The following RNF115 variants were observed in gnomAD, a reference collection of about 807,000 sequenced individuals.
RNF115 encodes E3 ubiquitin-protein ligase RNF115.
Under a neutral mutation model 39.2 loss-of-function variants are expected in RNF115, and 31 were observed. That is an observed-to-expected ratio of 0.79 (90% CI 0.59 to 1.07). The LOEUF (loss-of-function observed/expected upper bound fraction) is 1.07, where lower values mean the gene tolerates loss of function less well. RNF115 is among the 50% of genes least tolerant of loss of function. The pLI is 0.00. For synonymous variants in RNF115, 124 were observed against 131.0 expected, an observed-to-expected ratio of 0.95 and a Z score of 0.37; for missense variants, 384 against 381.7, an observed-to-expected ratio of 1.01 and a Z score of -0.05.
rs781922656 is a variant in RNF115, at chr1:145,771,830, A to G, written c.309T>C (p.Asn103=). Residue 103 remains asparagine (N), a synonymous_variant, in exon 4 of 9, where the codon AAT becomes AAC. Transcript: ENST00000582693. ...SSPLDQDNRA[N]ERGHQTHTDF... ...CAGTGTGAGTCTGGTGACCCCTTTC[A>G]TTGGCTCTATTATCTTGGTCCAGTG... The G allele has an allele frequency of 4.3e-6, 7 of 1,613,982 alleles. No homozygotes were observed. The highest frequency in any genetic ancestry group is 5.9e-6 in the Non-Finnish European group (7 of 1,179,976).
intron 1 of RNF115, among the ~76,000 whole-genome samples, chr1:145,813,552 G>A (rs1649828325): frequency 6.6e-6 from 1 of 152,134 alleles, no homozygotes; most frequent in South Asian, 2.1e-4. Context: ...TGTAACTTGA[G>A]AGGGGTAATC....
intron 2 of RNF115, chr1:145,788,643 A>G (rs1203805954): frequency 3.4e-6 from 2 of 592,452 alleles, no homozygotes; most frequent in Non-Finnish European, 6.3e-6. Context: ...ACAGATGTAC[A>G]TGGAATGCCA....
rs1397278117 is a variant in RNF115 at position 145,742,484 on chromosome 1, ACAGGGTAC to A, written c.*4374_*4381del. ...GTGAATCCCTTCATCACAGAGAATA[ACAGGGTAC>A]CAGCCCAAGCCAACAGTGCCCCATA... On this transcript the variant is annotated 3_prime_UTR_variant, in exon 9 of 9. Transcript: ENST00000582693. The A allele has an allele frequency of 1.3e-5, 2 of 152,246 alleles. No individual in the cohort carries two copies. The highest frequency in any genetic ancestry group is 4.8e-5 in the African/African-American group (2 of 41,448). The allele number at this position is 152,246 out of a possible 1,614,324, so 9.4% of individuals were successfully genotyped here. A position where few individuals can be genotyped will look rare whatever the true frequency, so the allele number is the denominator to read the frequency against.
chr1:145,788,290 C>T (rs2101567792), intron 2 of RNF115, among the ~76,000 whole-genome samples: 1 of 152,216 alleles, frequency 6.6e-6, no homozygotes, highest in South Asian at 2.1e-4. Flanking sequence ...CCATGTTGAC[C>T]ACGCTGGTCT....
Position 145,784,537 on chromosome 1 carries a change from A to G in RNF115, c.219+2T>C. ...AATTCCTACAGCTAAAGGAAAACTT[A>G]CCTCTGCAAAATGTGTTGTTGTGGT... On this transcript the variant is annotated splice_donor_variant, in intron 3 of 8. Coordinates refer to ENST00000582693, the MANE Select transcript of RNF115 (RefSeq NM_014455.4). LOFTEE classifies it high-confidence loss of function. 6.2e-7 allele frequency: 1 copy of G among 1,613,628 alleles called. No homozygotes were observed. Among genetic ancestry groups the G allele is most frequent in the Non-Finnish European group, 8.5e-7 (1 of 1,179,604 alleles).
chr1:145,815,386 C>T (rs1279677349), intron 1 of RNF115, among the ~76,000 whole-genome samples: 5 of 152,380 alleles, frequency 3.3e-5, no homozygotes, highest in African/African-American at 9.6e-5. Context: ...CCATAAAATA[C>T]TTAAGAACCA....
intron 4 of RNF115, among the ~76,000 whole-genome samples, chr1:145,767,314 G>A (rs1384281933): frequency 6.6e-6 from 1 of 151,032 alleles, no homozygotes; most frequent in East Asian, 2.0e-4. Flanking sequence ...TTGCCAGGCA[G>A]AGGGTCTCCT....
intron 4 of RNF115, among the ~76,000 whole-genome samples, chr1:145,764,672 GTC>G (rs1355151431): frequency 6.6e-6 from 1 of 151,710 alleles, no homozygotes; most frequent in African/African-American, 2.4e-5. Context: ...AGTGAGGAGC[GTC>G]TCTGCCCAGC....
At position 145,743,734 on chromosome 1, in the gene RNF115, T is replaced by C. The variant is rs1462711716; in HGVS notation, c.*3132A>G. On this transcript the variant is annotated 3_prime_UTR_variant, in exon 9 of 9. Coordinates refer to ENST00000582693, the MANE Select transcript of RNF115 (RefSeq NM_014455.4). ...AGGTGGAGGTTGCAGTGAGCTGAGA[T>C]TGCACCACTGCACTCCAGCCTAGGC... 1 of 151,070 alleles carries C rather than the reference T, an allele frequency of 6.6e-6. No individual in the cohort carries two copies. The highest frequency in any genetic ancestry group is 2.4e-5 in the African/African-American group (1 of 41,066). 9.4% of individuals were successfully genotyped at this position (151,070 alleles called of 1,614,324 possible). A position where few individuals can be genotyped will look rare whatever the true frequency, so the allele number is the denominator to read the frequency against.
At chr1:145,771,075 A>G (rs1294362491) in intron 4 of RNF115, among the ~76,000 whole-genome samples, 11 of 152,214 alleles carry the variant, frequency 7.2e-5, no homozygotes, top group African/African-American at 2.4e-4. Context: ...TGAAATTTTG[A>G]TAAATATACT....
intron 4 of RNF115, among the ~76,000 whole-genome samples, chr1:145,763,324 G>C (rs905592200): frequency 1.3e-5 from 2 of 152,144 alleles, no homozygotes; most frequent in Non-Finnish European, 2.9e-5. Flanking sequence ...AAATCAAAGA[G>C]GCTTCCTTTA....
Position 145,746,688 on chromosome 1 carries a change from C to T in RNF115, c.*178G>A, listed in dbSNP as rs587608403. The stretch of plus-strand genomic sequence containing the variant: ...GATAAGAGGCATTTGGTTGTAGATA[C>T]AATTCCATCTGTAGATACTAACTTT... On this transcript the variant is annotated 3_prime_UTR_variant, in exon 9 of 9. Transcript: ENST00000582693. 19 of 616,396 alleles carry T rather than the reference C, an allele frequency of 3.1e-5. No homozygotes were observed. The East Asian group carries it at 5.5e-4, about 18-fold the overall frequency. The allele number at this position is 616,396 out of a possible 1,614,324, so 38.2% of individuals were successfully genotyped here. A position where few individuals can be genotyped will look rare whatever the true frequency, so the allele number is the denominator to read the frequency against.
intron 1 of RNF115, among the ~76,000 whole-genome samples, chr1:145,798,348 A>G (rs1482897550): frequency 6.6e-6 from 1 of 152,134 alleles, no homozygotes; most frequent in Non-Finnish European, 1.5e-5. Flanking sequence ...ATTTTTATAT[A>G]TAGTGTAAAA....
intron 1 of RNF115, among the ~76,000 whole-genome samples, chr1:145,791,839 A>G (rs967367748): frequency 6.6e-6 from 1 of 152,176 alleles, no homozygotes; most frequent in Non-Finnish European, 1.5e-5. Flanking sequence ...TAGACCTGAG[A>G]AACACATTTT....
At chr1:145,771,268 C>G (rs975524714) in intron 4 of RNF115, among the ~76,000 whole-genome samples, 1 of 152,160 alleles carries the variant, frequency 6.6e-6, no homozygotes, top group Non-Finnish European at 1.5e-5. Context: ...AGTGTGGCAC[C>G]TTTCTTTCTT....
rs1657718151 is a variant in RNF115 at position 145,742,438 on chromosome 1, A to G, written c.*4428T>C. On this transcript the variant is annotated 3_prime_UTR_variant, in exon 9 of 9. Transcript: ENST00000582693. ...AGTCATTTATTCTCAACCTTTGGAA[A>G]TGATTACGTTTTTACCTCCAGTGAA... 1 of 152,238 alleles carries G rather than the reference A, an allele frequency of 6.6e-6. No individual in the cohort carries two copies. The highest frequency in any genetic ancestry group is 1.5e-5 in the Non-Finnish European group (1 of 68,042). The allele number at this position is 152,238 out of a possible 1,614,324, so 9.4% of individuals were successfully genotyped here.
intron 8 of RNF115, 28 bp downstream of exon 8, chr1:145,747,967 C>T: frequency 7.0e-7 from 1 of 1,431,054 alleles, no homozygotes; most frequent in Non-Finnish European, 9.9e-7. Flanking sequence ...AATCATCCCC[C>T]AAAGAAGCCA....
intron 3 of RNF115, chr1:145,773,856 A>C (rs754272605): frequency 6.7e-6 from 1 of 149,004 alleles, no homozygotes; most frequent in South Asian, 2.1e-4. Context: ...TCCTTTGGAG[A>C]AAGGACAAAA....
At chr1:145,791,616 T>TCAATG (rs1648672679) in intron 1 of RNF115, among the ~76,000 whole-genome samples, 1 of 152,136 alleles carries the variant, frequency 6.6e-6, no homozygotes, top group African/African-American at 2.4e-5. Context: ...TTCTATCTTC[T>TCAATG]GTTTATCAAT....
Sources: allele counts gnomAD v4.1 joint callset (sites outside exome capture counted in the v4.1 genomes callset), GRCh38; gene constraint gnomAD v4.1.1; transcripts MANE v1.5; gene names NCBI Gene and HGNC (gene_info 2026-07-23, HGNC 2026-07-21).